The following EXO1 variants were observed in gnomAD, a reference collection of about 807,000 sequenced individuals.
The protein encoded by EXO1 is exonuclease 1.
In EXO1, 69 loss-of-function variants were observed where a neutral mutation model predicts 84.5. The observed-to-expected ratio is 0.82, with a 90% CI of 0.67 to 1.00. EXO1 has a LOEUF of 1.00. Among genes scored for constraint, EXO1 ranks in the 50% least tolerant of loss-of-function variants. The pLI is 0.00. For synonymous variants in EXO1, 373 were observed against 366.1 expected (o/e 1.02, Z -0.21); for missense variants, 1,045 against 1,000.7 (o/e 1.04, Z -0.60).
chr1:241,868,282 A>G (rs1661864294), intron 11 of EXO1, among the ~76,000 whole-genome samples: 1 of 150,934 alleles, frequency 6.6e-6, no homozygotes, highest in Non-Finnish European at 1.5e-5. Context: ...AGGCTGAGAC[A>G]GGGGAATCAC....
intron 10 of EXO1, among the ~76,000 whole-genome samples, chr1:241,864,925 CCAGGCTGGAGTG>C (rs1661621303): frequency 6.7e-6 from 1 of 150,340 alleles, no homozygotes; most frequent in Admixed American, 6.6e-5. Context: ...TCTCTGTCCT[CCAGGCTGGAGTG>C]CAGTGGCACC....
At chr1:241,851,316 C>A (rs150201431) in intron 4 of EXO1, among the ~76,000 whole-genome samples, 1 of 152,240 alleles carries the variant, frequency 6.6e-6, no homozygotes, top group East Asian at 1.9e-4. Context: ...ATCAGCAGGT[C>A]CCAATCATTG....
rs1661465414 is a variant in EXO1 at position 241,862,598 on chromosome 1, C to T, written c.1041+1096C>T. 3.3e-5 allele frequency among the ~76,000 whole-genome samples: 5 copies of T among 152,192 alleles called. No homozygotes were observed. The South Asian group carries it at 1.0e-3, about 31-fold the overall frequency. On this transcript the variant is annotated intron_variant, in intron 10 of 15. Transcript: ENST00000366548. ...TTAGCACTTATTACTGTATAACATG[C>T]TTCTATTCTTTTCTGATTCTTTCCA...
At chr1:241,884,523 A>G (rs1662934040) in intron 14 of EXO1, among the ~76,000 whole-genome samples, 1 of 152,378 alleles carries the variant, frequency 6.6e-6, no homozygotes, top group South Asian at 2.1e-4. Context: ...AAGAACAGGC[A>G]ACCTATTCAA....
At chr1:241,875,215 G>T (rs1662323618) in intron 12 of EXO1, among the ~76,000 whole-genome samples, 1 of 152,118 alleles carries the variant, frequency 6.6e-6, no homozygotes, top group Admixed American at 6.5e-5. Flanking sequence ...TTTTGGCCAG[G>T]CTGGTGTCGA....
At chr1:241,850,108 C>T (rs1044974041) in intron 3 of EXO1, among the ~76,000 whole-genome samples, 4 of 151,304 alleles carry the variant, frequency 2.6e-5, no homozygotes, top group Admixed American at 2.0e-4. Flanking sequence ...GGTGAAACCC[C>T]GTCTCTACTA....
At chr1:241,886,913 C>T (rs1203818543) in intron 15 of EXO1, among the ~76,000 whole-genome samples, 8 of 151,786 alleles carry the variant, frequency 5.3e-5, no homozygotes, top group Admixed American at 1.3e-4. Flanking sequence ...AGAGCTCAGC[C>T]GGATTCTTGT....
chr1:241,879,450 A>AT, intron 13 of EXO1, 107 bp downstream of exon 13: 1 of 672,694 alleles, frequency 1.5e-6, no homozygotes, highest in Non-Finnish European at 2.5e-6. Context: ...GAGCTATATT[A>AT]TTTTTTCATT....
chr1:241,888,325 C>T (rs1485906969), intron 15 of EXO1, among the ~76,000 whole-genome samples: 1 of 152,092 alleles, frequency 6.6e-6, no homozygotes, highest in Non-Finnish European at 1.5e-5. Context: ...CCATCAAGAA[C>T]ATTTTTGAGA....
intron 3 of EXO1, 52 bp from the exon 4 acceptor site, chr1:241,850,356 TA>T: frequency 2.5e-6 from 3 of 1,206,770 alleles, no homozygotes; most frequent in Non-Finnish European, 3.7e-6. Context: ...GATGTTTTAA[TA>T]AATGTATTTT....
intron 8 of EXO1, 146 bp from the exon 9 acceptor site, chr1:241,860,371 G>T: frequency 1.5e-6 from 1 of 677,454 alleles, no homozygotes; most frequent in Non-Finnish European, 2.6e-6. Context: ...ATGTAACATG[G>T]TTGTGTTAGC....
chr1:241,866,917 C>CCCAGA lies in EXO1; in HGVS notation c.1135_1139dup (p.Glu380AspfsTer13). 6.2e-7 allele frequency: 1 copy of CCCAGA among 1,614,034 alleles called. No homozygotes were observed. Among genetic ancestry groups the CCCAGA allele is most frequent in the East Asian group, 2.2e-5 (1 of 44,882 alleles). Reference sequence around the variant, plus strand: ...CAGCATTTGGCATAGGAATTACTCTCCCAGACCAGAGTCGGGTACTGTTTC... The same window carrying CCCAGA: ...CAGCATTTGGCATAGGAATTACTCTCCCAGACCAGACCAGAGTCGGGTACTGTTTC... On this transcript the variant is annotated frameshift_variant, in exon 11 of 16. Coordinates refer to ENST00000366548, the MANE Select transcript of EXO1 (RefSeq NM_130398.4). LOFTEE classifies it high-confidence loss of function.
At chr1:241,869,149 A>C (rs1238575140) in intron 11 of EXO1, among the ~76,000 whole-genome samples, 1 of 152,188 alleles carries the variant, frequency 6.6e-6, no homozygotes, top group Non-Finnish European at 1.5e-5. Flanking sequence ...ATACTGCCTG[A>C]CTTCAAGATT....
chr1:241,870,789 TTGA>T (rs1270141865), intron 11 of EXO1, among the ~76,000 whole-genome samples: 1 of 152,218 alleles, frequency 6.6e-6, no homozygotes, highest in Non-Finnish European at 1.5e-5. Context: ...CATCTGGAAA[TTGA>T]TGAGTCTTAA....
chr1:241,853,360 G>C lies in EXO1; in HGVS notation c.284G>C (p.Arg95Thr). The C allele has an allele frequency of 6.2e-7, 1 of 1,613,904 alleles. No homozygotes were observed. The highest frequency in any genetic ancestry group is 8.5e-7 in the Non-Finnish European group (1 of 1,179,862). Reference sequence around the variant, plus strand: ...TAAAAAATGTTCTTCCCTTGCAGAAGACGACAAGCCAATCTTCTTAAGGGA... The same window carrying C: ...TAAAAAATGTTCTTCCCTTGCAGAACACGACAAGCCAATCTTCTTAAGGGA... Reference protein sequence around the residue: ...KKEVERSRRERRQANLLKGKQ... With the variant: ...KKEVERSRRETRQANLLKGKQ... Residue 95 changes from arginine to threonine, a missense_variant and splice_region_variant, in exon 6 of 16, where the codon AGA becomes ACA. Coordinates refer to ENST00000366548, the MANE Select transcript of EXO1 (RefSeq NM_130398.4).
At position 241,889,644 on chromosome 1, in the gene EXO1, A is replaced by G; in HGVS notation, c.*44A>G. On this transcript the variant is annotated 3_prime_UTR_variant, in exon 16 of 16. Transcript: ENST00000366548. ...CTTTTGCCTGCAAGAGAATCTGATC[A>G]ATTTGAAGTCCCTGTTTGGGAATGA... 6.2e-7 allele frequency: 1 copy of G among 1,602,504 alleles called. No homozygotes were observed.
At chr1:241,888,341 T>C (rs1164433961) in intron 15 of EXO1, among the ~76,000 whole-genome samples, 1 of 152,236 alleles carries the variant, frequency 6.6e-6, no homozygotes, top group Non-Finnish European at 1.5e-5. Context: ...TGAGACTTTT[T>C]TTTAACTGCA....
intron 14 of EXO1, among the ~76,000 whole-genome samples, 158 bp from the exon 15 acceptor site, chr1:241,885,156 G>A (rs964422009): frequency 3.3e-5 from 5 of 151,430 alleles, no homozygotes; most frequent in South Asian, 4.2e-4. Flanking sequence ...GCAGTGAGCC[G>A]AGATCGCACC....
chr1:241,872,303 G>A (rs1317166225), intron 12 of EXO1, 25 bp downstream of exon 12: 1 of 1,610,710 alleles, frequency 6.2e-7, no homozygotes, highest in Non-Finnish European at 8.5e-7. Context: ...CCAGAATGTT[G>A]ATTGTCTGTT....
Sources: allele counts gnomAD v4.1 joint callset (sites outside exome capture counted in the v4.1 genomes callset), GRCh38; gene constraint gnomAD v4.1.1; transcripts MANE v1.5; gene names NCBI Gene and HGNC (gene_info 2026-07-23, HGNC 2026-07-21).